RANBP2: variants seen among roughly 807,000 people sequenced by gnomAD.
RANBP2 encodes E3 SUMO-protein ligase RanBP2.
A neutral mutation model predicts 303.6 loss-of-function variants in RANBP2; 57 were observed. That is an observed-to-expected ratio of 0.19 (90% CI 0.15 to 0.23). The LOEUF (loss-of-function observed/expected upper bound fraction) is 0.23. Ranked by LOEUF, RANBP2 falls within the 10% of genes least tolerant of loss-of-function variation. The probability of loss-of-function intolerance (pLI) is 1.00; values close to 1 mark genes in which losing one functional copy is unlikely to be tolerated. For synonymous variants in RANBP2, 1,167 were observed against 1,301.5 expected (o/e 0.90, Z 2.23); for missense variants, 3,138 against 3,780.8 (o/e 0.83, Z 4.46).
At chr2:109,437,876 A>G in the RANBP2 span, among the ~76,000 whole-genome samples, 2 of 152,112 alleles carry the variant, frequency 1.3e-5, no homozygotes, top group Non-Finnish European at 2.9e-5. Flanking sequence ...ATGATCTGGG[A>G]GCCCATGCCA....
the RANBP2 span, among the ~76,000 whole-genome samples, chr2:109,228,778 G>GATGT: frequency 6.6e-6 from 1 of 152,180 alleles, no homozygotes; most frequent in Non-Finnish European, 1.5e-5. Context: ...TGTGGAGTTA[G>GATGT]ATGTACCCTC....
chr2:108,910,952 G>A, the RANBP2 span: 2 of 1,614,162 alleles, frequency 1.2e-6, no homozygotes, highest in Admixed American at 1.7e-5. Context: ...GTCACCTGGG[G>A]CAGAGGGCTT....
the RANBP2 span, among the ~76,000 whole-genome samples, chr2:109,628,423 G>C: frequency 1.3e-5 from 2 of 152,026 alleles, no homozygotes; most frequent in Admixed American, 6.6e-5. Context: ...GAACCCAGGT[G>C]GCAGAAGTTG....
the RANBP2 span, among the ~76,000 whole-genome samples, chr2:108,961,341 C>G: frequency 6.6e-6 from 1 of 152,172 alleles, no homozygotes; most frequent in Non-Finnish European, 1.5e-5. Context: ...ACCCACCAGT[C>G]TAGGCTGACC....
At position 108,763,877 on chromosome 2, in the gene RANBP2, A is replaced by G. The variant is rs1386129281; in HGVS notation, c.3338A>G (p.Glu1113Gly). ...SKNVSGISFTENMGSSQQKNS... is the reference protein window; with the variant it reads ...SKNVSGISFTGNMGSSQQKNS... ...AATGTGTCTGGAATTTCATTTACAG[A>G]AAACATGGGGTCGAGTCAGCAAAAG... Residue 1113 changes from glutamate (E) to glycine (G), a missense_variant, in exon 20 of 29, where the codon GAA (glutamate) becomes GGA (glycine). Glu to Gly is a moderately conservative substitution (Grantham distance 98). This residue lies in a region of RANBP2 where 403 missense variants were observed against 376.7 expected (regional missense o/e 1.07). Transcript: ENST00000283195. 1.9e-6 allele frequency: 3 copies of G among 1,613,992 alleles called. No homozygotes were observed. In the South Asian group the frequency reaches 3.3e-5, roughly 18 times the overall value.
At chr2:109,542,420 CTTGAATAACTG>C in the RANBP2 span, among the ~76,000 whole-genome samples, 1 of 152,238 alleles carries the variant, frequency 6.6e-6, no homozygotes, top group Non-Finnish European at 1.5e-5. Flanking sequence ...CAACCAGAAA[CTTGAATAACTG>C]TTTACCATTC....
chr2:108,782,088 A>G (rs775047766), intron 26 of RANBP2, 40 bp from the exon 27 acceptor site: 12 of 1,599,356 alleles, frequency 7.5e-6, no homozygotes, highest in Non-Finnish European at 1.0e-5. Flanking sequence ...GGAATTTATT[A>G]TAAGCAGCAG....
At chr2:108,878,448 C>T in the RANBP2 span, 1 of 215,952 alleles carries the variant, frequency 4.6e-6, no homozygotes, top group Admixed American at 4.1e-5. Context: ...GGAGAGGAAC[C>T]ACGCTGGGTC....
the RANBP2 span, among the ~76,000 whole-genome samples, chr2:109,219,664 A>C: frequency 3.9e-4 from 59 of 152,362 alleles, no homozygotes; most frequent in Middle Eastern, 6.8e-3. Flanking sequence ...GAACAATCCG[A>C]AAAGGAAATA....
chr2:108,997,459 A>AAAAAAAAAG, the RANBP2 span, among the ~76,000 whole-genome samples: 9,088 of 129,780 alleles, frequency 0.07, 1,095 homozygotes, highest in East Asian at 0.62. Flanking sequence ...AAAAAAAAAA[A>AAAAAAAAAG]AAAAGATGAT....
At chr2:109,381,224 A>G in the RANBP2 span, among the ~76,000 whole-genome samples, 1 of 152,354 alleles carries the variant, frequency 6.6e-6, no homozygotes, top group African/African-American at 2.4e-5. Context: ...GCCCTGGAGC[A>G]GGCTGCTGGA....
At chr2:109,642,656 TAA>T in the RANBP2 span, among the ~76,000 whole-genome samples, 8,507 of 137,762 alleles carry the variant, frequency 0.062, 623 homozygotes, top group African/African-American at 0.19. Flanking sequence ...CCATCTCAAA[TAA>T]AAAAAAAAAA....
chr2:109,154,371 G>A, the RANBP2 span, among the ~76,000 whole-genome samples: 1 of 152,170 alleles, frequency 6.6e-6, no homozygotes, highest in African/African-American at 2.4e-5. Context: ...TTCTGGGTAG[G>A]GAGTACAGAT....
At chr2:109,480,795 T>G in the RANBP2 span, among the ~76,000 whole-genome samples, 3 of 152,162 alleles carry the variant, frequency 2.0e-5, no homozygotes, top group African/African-American at 7.2e-5. Flanking sequence ...CCTGGGACAT[T>G]ATGACCTCCG....
chr2:109,593,769 C>A, the RANBP2 span, among the ~76,000 whole-genome samples: 1 of 152,026 alleles, frequency 6.6e-6, no homozygotes, highest in Non-Finnish European at 1.5e-5. Flanking sequence ...TCCACTGCAG[C>A]GTGTCAGAGG....
At chr2:109,438,161 G>A in the RANBP2 span, among the ~76,000 whole-genome samples, 4 of 152,234 alleles carry the variant, frequency 2.6e-5, no homozygotes, top group Non-Finnish European at 5.9e-5. Flanking sequence ...ACTTAGGTCA[G>A]CAGAGGCCAT....
At chr2:109,210,326 T>C in the RANBP2 span, among the ~76,000 whole-genome samples, 17 of 152,238 alleles carry the variant, frequency 1.1e-4, no homozygotes, top group Admixed American at 4.6e-4. Context: ...GACCTAAAAA[T>C]GATATTTCAA....
chr2:109,678,048 G>A, the RANBP2 span, among the ~76,000 whole-genome samples: 2 of 152,210 alleles, frequency 1.3e-5, no homozygotes, highest in Non-Finnish European at 2.9e-5. Flanking sequence ...GCACCCCACC[G>A]CCTGTTGCTA....
chr2:109,072,805 A>G, the RANBP2 span, among the ~76,000 whole-genome samples: 2 of 152,120 alleles, frequency 1.3e-5, no homozygotes, highest in Non-Finnish European at 2.9e-5. Flanking sequence ...GACAACTACT[A>G]GAAGGACTGA....
Sources: allele counts gnomAD v4.1 joint callset (sites outside exome capture counted in the v4.1 genomes callset), GRCh38; gene constraint gnomAD v4.1.1; regional missense constraint gnomAD v4.1.1; transcripts MANE v1.5; gene names NCBI Gene and HGNC (gene_info 2026-07-23, HGNC 2026-07-21).